The following GADL1 variants were observed in gnomAD, a reference collection of about 807,000 sequenced individuals.
GADL1 encodes GAD like acidic amino acid decarboxylase 1.
A neutral mutation model predicts 69.5 loss-of-function variants in GADL1; 71 were observed. The observed-to-expected ratio is 1.02, with a 90% CI of 0.84 to 1.25. The LOEUF is 1.25. GADL1 is among the 50% of genes most tolerant of loss of function. The pLI, the probability that GADL1 is intolerant of heterozygous loss-of-function variation, is 0.00. For synonymous variants in GADL1, 254 were observed against 214.4 expected, an observed-to-expected ratio of 1.18 and a Z score of -1.62; for missense variants, 737 against 631.8, an observed-to-expected ratio of 1.17 and a Z score of -1.79.
intron 9 of GADL1, among the ~76,000 whole-genome samples, chr3:30,835,379 T>C (rs1697857414): frequency 6.6e-6 from 1 of 151,994 alleles, no homozygotes. Flanking sequence ...GACCTTAATA[T>C]CATGTAAAAA....
chr3:30,794,544 T>C (rs1173827147), intron 12 of GADL1, among the ~76,000 whole-genome samples: 1 of 152,196 alleles, frequency 6.6e-6, no homozygotes, highest in Non-Finnish European at 1.5e-5. Context: ...AGTAATCACA[T>C]GTTGCTTTAG....
At chr3:30,729,388 T>G (rs1397640709) in intron 14 of GADL1, among the ~76,000 whole-genome samples, 3 of 152,182 alleles carry the variant, frequency 2.0e-5, no homozygotes, top group Non-Finnish European at 2.9e-5. Flanking sequence ...CTCTGAAAAC[T>G]TTTTGAGTGT....
At chr3:30,855,955 C>A (rs1326894847) in intron 3 of GADL1, among the ~76,000 whole-genome samples, 7 of 146,180 alleles carry the variant, frequency 4.8e-5, no homozygotes, top group Non-Finnish European at 1.0e-4. Flanking sequence ...GGCATTGCTA[C>A]AAGTAATTTT....
intron 14 of GADL1, among the ~76,000 whole-genome samples, chr3:30,757,771 T>C (rs919617333): frequency 6.8e-6 from 1 of 147,630 alleles, no homozygotes; most frequent in Non-Finnish European, 1.5e-5. Flanking sequence ...CTCCCCTGTT[T>C]AAACAGTTCT....
chr3:30,807,121 A>G (rs952334), intron 11 of GADL1, among the ~76,000 whole-genome samples: 3,935 of 152,306 alleles, frequency 0.026, 61 homozygotes, highest in Non-Finnish European at 0.039. Flanking sequence ...AAAGGAACTA[A>G]TGTTAACTGG....
intron 14 of GADL1, among the ~76,000 whole-genome samples, chr3:30,757,748 C>T (rs1696013086): frequency 6.6e-6 from 1 of 151,382 alleles, no homozygotes; most frequent in Non-Finnish European, 1.5e-5. Context: ...ACAACTCCTA[C>T]AAATGTAGTC....
intron 14 of GADL1, among the ~76,000 whole-genome samples, chr3:30,754,358 T>TC (rs1325190749): frequency 5.5e-5 from 7 of 127,052 alleles, no homozygotes; most frequent in African/African-American, 2.2e-4. Context: ...TATCTTAGCT[T>TC]CCTTCAGGAA....
At position 30,894,601 on chromosome 3, in the gene GADL1, G is replaced by A. The variant is rs1463040257; in HGVS notation, c.14C>T (p.Ser5Leu). The A allele has an allele frequency of 9.0e-6, 14 of 1,550,884 alleles. No individual in the cohort carries two copies. Among genetic ancestry groups the A allele is most frequent in the Admixed American group, 2.0e-5 (1 of 50,966 alleles). Residue 5 changes from serine (S) to leucine (L), a missense_variant, in exon 1 of 15, where the codon TCG becomes TTG. Physicochemically the swap from Ser to Leu is moderately radical, Grantham distance 145 (BLOSUM62 -2). Coordinates refer to ENST00000282538, the MANE Select transcript of GADL1 (RefSeq NM_207359.3). The part of the protein sequence containing the change: MSSD[S>L]DRQCPVDGDI... ...ACCGTCCACAGGACACTGGCGGTCC[G>A]AGTCGCTGCTCATCTCCGCTCCCCC...
chr3:30,833,479 G>A (rs1010634748), intron 11 of GADL1, among the ~76,000 whole-genome samples: 2 of 151,850 alleles, frequency 1.3e-5, no homozygotes, highest in Admixed American at 6.6e-5. Context: ...ACACACATCT[G>A]TTCCACTTTC....
At position 30,746,942 on chromosome 3, in the gene GADL1, T is replaced by G. The variant is rs1695716260; in HGVS notation, c.1393-18527A>C. Among the ~76,000 whole-genome samples, 3 of 152,198 alleles carry G rather than the reference T, an allele frequency of 2.0e-5. No homozygotes were observed. The South Asian group carries it at 6.2e-4, about 32-fold the overall frequency. On this transcript the variant is annotated intron_variant, in intron 14 of 14. Coordinates refer to ENST00000282538, the MANE Select transcript of GADL1 (RefSeq NM_207359.3). ...TAAGCATTAAAGGGCAGAAGGATAC[T>G]GAGAAATCCCTCAGTGAAACAACGC... is the stretch of plus-strand genomic sequence containing the variant.
intron 13 of GADL1, among the ~76,000 whole-genome samples, chr3:30,786,099 T>G (rs1696783304): frequency 6.6e-6 from 1 of 152,246 alleles, no homozygotes. Flanking sequence ...GGTCATAATT[T>G]ATTCAATATT....
At chr3:30,794,705 T>C (rs1387205455) in intron 12 of GADL1, among the ~76,000 whole-genome samples, 1 of 152,210 alleles carries the variant, frequency 6.6e-6, no homozygotes, top group Non-Finnish European at 1.5e-5. Flanking sequence ...CACTAAATTT[T>C]TCCTTGCTAA....
At position 30,839,052 on chromosome 3, in the gene GADL1, G is replaced by A. The variant is rs1485516706; in HGVS notation, c.848C>T (p.Pro283Leu). 4 of 1,607,286 alleles carry A rather than the reference G, an allele frequency of 2.5e-6. No individual in the cohort carries two copies. The highest frequency in any genetic ancestry group is 1.7e-5 in the Admixed American group (1 of 58,916). The change falls in exon 9 of 15, where the codon CCT becomes CTT. Residue 283 changes from proline (P) to leucine (L), a missense_variant. Coordinates refer to ENST00000282538, the MANE Select transcript of GADL1 (RefSeq NM_207359.3). ...SGTTVLGAFD[P>L]LDEIADICER... is the part of the protein sequence containing the mutation. Reference sequence around the variant, plus strand: ...GCAGATGTCTGCTATTTCATCCAGAGGGTCAAAAGCTCCCAACACAGTTGT... The same window carrying A: ...GCAGATGTCTGCTATTTCATCCAGAAGGTCAAAAGCTCCCAACACAGTTGT...
At position 30,869,608 on chromosome 3, in the gene GADL1, A is replaced by G. The variant is rs562689443; in HGVS notation, c.38-7843T>C. On this transcript the variant is annotated intron_variant, in intron 1 of 14. Transcript: ENST00000282538. ...AACTATGTTTACAACTTTGTCAGCA[A>G]GAGATATGGGTATCTATTTTATTTT... Among the ~76,000 whole-genome samples, 14 of 151,838 alleles carry G rather than the reference A, an allele frequency of 9.2e-5. No homozygotes were observed. In the South Asian group the frequency reaches 2.7e-3, roughly 29 times the overall value.
rs182370808 is a variant in GADL1 at position 30,883,832 on chromosome 3, T to G, written c.37+10746A>C. ...AATTTCTTTTAGCAATATTTTGTAG[T>G]TTTTAGTGTATAAGTCTTTAATCTC... On this transcript the variant is annotated intron_variant, in intron 1 of 14. Coordinates refer to ENST00000282538, the MANE Select transcript of GADL1 (RefSeq NM_207359.3). Among the ~76,000 whole-genome samples the G allele has an allele frequency of 3.3e-4, 50 of 152,166 alleles. No homozygotes were observed. In the South Asian group the frequency reaches 5.6e-3, roughly 17 times the overall value.
intron 9 of GADL1, 149 bp from the exon 10 acceptor site, chr3:30,834,430 T>C: frequency 3.0e-6 from 2 of 668,884 alleles, no homozygotes; most frequent in Non-Finnish European, 5.3e-6. Context: ...CAGGAAATTC[T>C]GATCACTGGC....
At chr3:30,752,221 T>C (rs758987555) in intron 14 of GADL1, among the ~76,000 whole-genome samples, 2 of 152,182 alleles carry the variant, frequency 1.3e-5, no homozygotes, top group Non-Finnish European at 2.9e-5. Context: ...TCGACAGCTT[T>C]TCCTTTTAAA....
At chr3:30,749,892 A>G (rs1189006853) in intron 14 of GADL1, among the ~76,000 whole-genome samples, 1 of 152,222 alleles carries the variant, frequency 6.6e-6, no homozygotes, top group African/African-American at 2.4e-5. Flanking sequence ...ATAACTGAAG[A>G]ATAAACTGTG....
intron 11 of GADL1, among the ~76,000 whole-genome samples, chr3:30,820,822 G>C (rs1325025524): frequency 6.6e-6 from 1 of 151,682 alleles, no homozygotes; most frequent in African/African-American, 2.4e-5. Flanking sequence ...CCATTACTGG[G>C]TATATACCCA....
Sources: allele counts gnomAD v4.1 joint callset (sites outside exome capture counted in the v4.1 genomes callset), GRCh38; gene constraint gnomAD v4.1.1; transcripts MANE v1.5; gene names NCBI Gene and HGNC (gene_info 2026-07-23, HGNC 2026-07-21).